Variants in PCDH15 observed in about 807,000 individuals in gnomAD.
PCDH15 encodes the protein protocadherin-15.
A neutral mutation model predicts 178.5 loss-of-function variants in PCDH15; 129 were observed. The observed-to-expected ratio is 0.72, with a 90% CI of 0.63 to 0.84. The LOEUF is 0.84. Among genes scored for constraint, PCDH15 ranks in the 40% least tolerant of loss-of-function variants. The probability of loss-of-function intolerance (pLI) is 0.00; values close to 1 mark genes in which losing one functional copy is unlikely to be tolerated. For synonymous variants in PCDH15, 800 were observed against 732.0 expected (o/e 1.09, Z -1.50); for missense variants, 2,230 against 2,099.9 (o/e 1.06, Z -1.21).
At chr10:54,762,624 A>C (rs114526753) in intron 1 of PCDH15, among the ~76,000 whole-genome samples, 2,992 of 152,216 alleles carry the variant, frequency 0.02, 97 homozygotes, top group African/African-American at 0.067. Context: ...ATTTTTTGTT[A>C]AACCATCTTA....
At chr10:54,712,729 T>C (rs927361331) in intron 1 of PCDH15, among the ~76,000 whole-genome samples, 1 of 151,996 alleles carries the variant, frequency 6.6e-6, no homozygotes, top group Non-Finnish European at 1.5e-5. Context: ...CCCCCTAAGA[T>C]GATGAGAAGA....
At chr10:54,681,004 C>T (rs1387400055) in intron 1 of PCDH15, among the ~76,000 whole-genome samples, 1 of 152,064 alleles carries the variant, frequency 6.6e-6, no homozygotes, top group East Asian at 1.9e-4. Flanking sequence ...TAGAGAATCC[C>T]ATAACAGGGA....
chr10:54,825,976 T>A (rs1953125553), intron 3 of PCDH15, among the ~76,000 whole-genome samples: 1 of 152,106 alleles, frequency 6.6e-6, no homozygotes. Flanking sequence ...TGTAAGTCCA[T>A]TATGCCATTA....
At chr10:55,587,427 GA>G (rs35556028) in intron 2 of PCDH15, among the ~76,000 whole-genome samples, 115,373 of 151,880 alleles carry the variant, frequency 0.76, 45,049 homozygotes, top group East Asian at 0.99. Context: ...CACTGGTACG[GA>G]AAAATATATA....
chr10:53,995,870 G>A (rs1564960740), intron 20 of PCDH15, 105 bp from the exon 21 acceptor site: 2 of 1,014,612 alleles, frequency 2.0e-6, no homozygotes, highest in Non-Finnish European at 1.5e-6. Flanking sequence ...ATTTACCACT[G>A]TCAGCCTTCC....
chr10:55,216,870 G>T (rs909837730), intron 1 of PCDH15, among the ~76,000 whole-genome samples: 1 of 151,778 alleles, frequency 6.6e-6, no homozygotes, highest in Non-Finnish European at 1.5e-5. Flanking sequence ...ATACCTAATA[G>T]ACATTTGTTT....
At position 54,086,458 on chromosome 10, in the gene PCDH15, T is replaced by G. The variant is rs117662993; in HGVS notation, c.1997+3526A>C. On this transcript the variant is annotated intron_variant, in intron 16 of 37. Coordinates refer to ENST00000644397, the MANE Select transcript of PCDH15 (RefSeq NM_001384140.1). ...TTTGGAGTGTCAAATATCCAAACTA[T>G]AGCAGTACCTGGATTGTTCATATCC... is the stretch of plus-strand genomic sequence containing the variant. Among the ~76,000 whole-genome samples, 150 of 152,292 alleles carry G rather than the reference T, an allele frequency of 9.8e-4. 2 individuals are homozygous for G. The East Asian group carries it at 0.027, about 27-fold the overall frequency.
intron 3 of PCDH15, among the ~76,000 whole-genome samples, chr10:54,408,667 A>G (rs1953027092): frequency 1.3e-5 from 2 of 152,182 alleles, no homozygotes; most frequent in Non-Finnish European, 2.9e-5. Context: ...TTATACTTAA[A>G]GGATTCAATT....
intron 1 of PCDH15, among the ~76,000 whole-genome samples, chr10:55,290,565 T>C (rs762820759): frequency 6.6e-6 from 1 of 152,270 alleles, no homozygotes; most frequent in South Asian, 2.1e-4. Flanking sequence ...GACCACTTTC[T>C]GTATCCAACT....
intron 3 of PCDH15, among the ~76,000 whole-genome samples, chr10:54,833,058 T>C (rs1953251458): frequency 1.3e-5 from 2 of 152,156 alleles, no homozygotes; most frequent in South Asian, 4.1e-4. Flanking sequence ...TTATTTACAA[T>C]ATACCAGGAA....
intron 2 of PCDH15, among the ~76,000 whole-genome samples, chr10:55,120,210 G>A (rs1234639413): frequency 6.6e-6 from 1 of 152,118 alleles, no homozygotes; most frequent in Non-Finnish European, 1.5e-5. Context: ...AAAAAAACTG[G>A]ATTTCTTGTG....
chr10:55,380,133 T>C (rs1322865072), intron 2 of PCDH15, among the ~76,000 whole-genome samples: 3 of 152,090 alleles, frequency 2.0e-5, no homozygotes, highest in African/African-American at 7.2e-5. Context: ...TCTATTACCC[T>C]CAATTTATAA....
At chr10:54,726,021 G>T (rs532022761) in intron 1 of PCDH15, among the ~76,000 whole-genome samples, 1 of 148,054 alleles carries the variant, frequency 6.8e-6, no homozygotes, top group East Asian at 2.0e-4. Flanking sequence ...AAACCTCAGG[G>T]CATAGCTCTG....
At chr10:55,412,475 AAC>A (rs1838363201) in intron 2 of PCDH15, among the ~76,000 whole-genome samples, 1 of 151,940 alleles carries the variant, frequency 6.6e-6, no homozygotes, top group Admixed American at 6.6e-5. Flanking sequence ...CTAGGTAGTG[AAC>A]ATAAAAGAAG....
At chr10:54,440,300 G>C (rs2075718992) in intron 3 of PCDH15, among the ~76,000 whole-genome samples, 1 of 151,970 alleles carries the variant, frequency 6.6e-6, no homozygotes, top group South Asian at 2.1e-4. Flanking sequence ...CTTTTGGGCA[G>C]AAGGTAAAAT....
At chr10:54,644,098 T>A (rs1169729349) in intron 2 of PCDH15, among the ~76,000 whole-genome samples, 1 of 149,954 alleles carries the variant, frequency 6.7e-6, no homozygotes, top group Non-Finnish European at 1.5e-5. Context: ...GAAAGTTTAC[T>A]GGGAATGATG....
At chr10:54,952,315 T>G (rs1838365621) in intron 2 of PCDH15, among the ~76,000 whole-genome samples, 1 of 151,868 alleles carries the variant, frequency 6.6e-6, no homozygotes, top group African/African-American at 2.4e-5. Flanking sequence ...TAGCTATCTC[T>G]ATTTGCATAG....
At chr10:54,543,303 T>A (rs1418092041) in intron 2 of PCDH15, among the ~76,000 whole-genome samples, 2 of 151,824 alleles carry the variant, frequency 1.3e-5, no homozygotes, top group Non-Finnish European at 2.9e-5. Context: ...AGGAAGGGGG[T>A]CTAATTAAGC....
At chr10:55,159,451 T>C (rs370313050) in intron 2 of PCDH15, among the ~76,000 whole-genome samples, 7 of 147,346 alleles carry the variant, frequency 4.8e-5, no homozygotes, top group East Asian at 4.0e-4. Flanking sequence ...ACATACACTA[T>C]ACAAAGATCT....
Sources: allele counts gnomAD v4.1 joint callset (sites outside exome capture counted in the v4.1 genomes callset), GRCh38; gene constraint gnomAD v4.1.1; transcripts MANE v1.5; gene names NCBI Gene and HGNC (gene_info 2026-07-23, HGNC 2026-07-21).